NFE2L3: variants seen among roughly 807,000 people sequenced by gnomAD.
NFE2L3 encodes the protein nuclear factor erythroid 2-related factor 3.
A neutral mutation model predicts 23.5 loss-of-function variants in NFE2L3; 18 were observed. That is an observed-to-expected ratio of 0.77 (90% CI 0.53 to 1.13). NFE2L3 has a LOEUF of 1.13. Among genes scored for constraint, NFE2L3 ranks in the 50% most tolerant of loss-of-function variants. The probability of loss-of-function intolerance (pLI) is 0.00; values close to 1 mark genes in which losing one functional copy is unlikely to be tolerated. For synonymous variants in NFE2L3, 424 were observed against 354.5 expected (o/e 1.20, Z -2.20); for missense variants, 1,152 against 877.2 (o/e 1.31, Z -3.96).
intron 2 of NFE2L3, among the ~76,000 whole-genome samples, chr7:26,180,382 A>ATTCTCCCCAGCTCCTC (rs1784485311): frequency 6.6e-6 from 1 of 152,090 alleles, no homozygotes; most frequent in Admixed American, 6.5e-5. Context: ...CCCAGCTGGT[A>ATTCTCCCCAGCTCCTC]TTCTCCCCAG....
chr7:26,185,864 G>C lies in NFE2L3; in HGVS notation c.*81G>C. 1 of 1,171,196 alleles carries C rather than the reference G, an allele frequency of 8.5e-7. No homozygotes were observed. Among genetic ancestry groups the C allele is most frequent in the Non-Finnish European group, 1.2e-6 (1 of 845,306 alleles). 72.6% of individuals were successfully genotyped at this position (1,171,196 alleles called of 1,614,324 possible). ...ATTTGGATCAGAAACCATTGAAACT[G>C]CTTCAAGAATTGTATCTTTAAGTAC... On this transcript the variant is annotated 3_prime_UTR_variant, in exon 4 of 4. Coordinates refer to ENST00000056233, the MANE Select transcript of NFE2L3 (RefSeq NM_004289.7).
intron 1 of NFE2L3, among the ~76,000 whole-genome samples, chr7:26,153,777 T>A (rs891992079): frequency 6.6e-6 from 1 of 152,256 alleles, no homozygotes; most frequent in Non-Finnish European, 1.5e-5. Context: ...AACTTCTTTC[T>A]GAAACCAAGT....
chr7:26,152,786 C>T lies in NFE2L3; in HGVS notation c.288C>T (p.Arg96=), dbSNP rs1358845043. 2 of 1,485,166 alleles carry T rather than the reference C, an allele frequency of 1.3e-6. No individual in the cohort carries two copies. Among genetic ancestry groups the T allele is most frequent in the Admixed American group, 2.3e-5 (1 of 44,200 alleles). 92.0% of individuals were successfully genotyped at this position (1,485,166 alleles called of 1,614,324 possible). A position where few individuals can be genotyped will look rare whatever the true frequency, so the allele number is the denominator to read the frequency against. Residue 96 remains arginine (R), a synonymous_variant, in exon 1 of 4, where the codon CGC becomes CGT. Transcript: ENST00000056233. The surrounding 1 kb of genome is among the most constrained non-coding windows in gnomAD (Gnocchi z 4.4). ...PPEGQLLREV[R]ALGVPFVPRT... is the part of the protein sequence containing the mutation. ...AGGGCCAGCTGCTCCGGGAGGTGCG[C>T]GCGCTCGGGGTCCCCTTCGTCCCTC...
rs1307896223 is a variant in NFE2L3 at position 26,185,713 on chromosome 7, T to G, written c.2015T>G (p.Ile672Ser). 2.5e-6 allele frequency: 4 copies of G among 1,613,310 alleles called. No homozygotes were observed. Among genetic ancestry groups the G allele is most frequent in the Non-Finnish European group, 2.5e-6 (3 of 1,179,700 alleles). The change falls in exon 4 of 4, where the codon ATC (isoleucine) becomes AGC (serine). Residue 672 changes from isoleucine (I) to serine (S), a missense_variant. Physicochemically the swap from Ile to Ser is moderately radical, Grantham distance 142. Coordinates refer to ENST00000056233, the MANE Select transcript of NFE2L3 (RefSeq NM_004289.7). ...CTCCAGTGTACCCATGATGGAAGTA[T>G]CTTGATAGTACCCAAAGAACTGGTG... is the stretch of plus-strand genomic sequence containing the variant. The part of the protein sequence containing the change: ...YALQCTHDGS[I>S]LIVPKELVAS...
At chr7:26,184,291 C>A in intron 3 of NFE2L3, 1 of 449,848 alleles carries the variant, frequency 2.2e-6, no homozygotes, top group Non-Finnish European at 3.9e-6. Flanking sequence ...TTAAGAAAAT[C>A]CAGTCAGCTT....
Position 26,179,180 on chromosome 7 carries a change from G to A in NFE2L3, c.750+1058G>A, listed in dbSNP as rs555423702. Among the ~76,000 whole-genome samples, 21 of 152,030 alleles carry A rather than the reference G, an allele frequency of 1.4e-4. 1 individual carries two copies. In the South Asian group the frequency reaches 4.4e-3, roughly 32 times the overall value. On this transcript the variant is annotated intron_variant, in intron 2 of 3. Transcript: ENST00000056233. ...CTAGATACTAATGAAAATCGCTCTGGCCATCCCAGTGCAGCAATTGATAAG... is the reference window on the plus strand; with the variant it reads ...CTAGATACTAATGAAAATCGCTCTGACCATCCCAGTGCAGCAATTGATAAG...
chr7:26,175,556 TCA>T (rs1290169703), intron 1 of NFE2L3, among the ~76,000 whole-genome samples: 8 of 152,038 alleles, frequency 5.3e-5, no homozygotes, highest in African/African-American at 1.7e-4. Flanking sequence ...GGCGGGCGGA[TCA>T]CGAGGTCAGG....
Position 26,152,711 on chromosome 7 carries a change from G to A in NFE2L3, c.213G>A (p.Ala71=), listed in dbSNP as rs914256535. The A allele has an allele frequency of 3.4e-6, 5 of 1,476,450 alleles. No individual in the cohort carries two copies. The highest frequency in any genetic ancestry group is 1.5e-5 in the African/African-American group (1 of 68,372). The allele number at this position is 1,476,450 out of a possible 1,614,324, so 91.5% of individuals were successfully genotyped here. Residue 71 remains alanine (A), a synonymous_variant, in exon 1 of 4, where the codon GCG becomes GCA. Coordinates refer to ENST00000056233, the MANE Select transcript of NFE2L3 (RefSeq NM_004289.7). This position sits in a 1 kb window ranked among gnomAD's most constrained non-coding sequence, Gnocchi z 4.4. ...CGGCCTCGGGAGGGTGGGGGCGCGC[G>A]GGCCACTTGCACCCCAAGGGCCGGG... ...PFSASGGWGR[A]GHLHPKGREL... is the part of the protein sequence containing the mutation.
chr7:26,152,475 G>T lies in NFE2L3; in HGVS notation c.-24G>T. The T allele has an allele frequency of 1.6e-6, 2 of 1,278,708 alleles. No homozygotes were observed. The highest frequency in any genetic ancestry group is 2.0e-6 in the Non-Finnish European group (2 of 1,014,288). 79.2% of individuals were successfully genotyped at this position (1,278,708 alleles called of 1,614,324 possible). A position where few individuals can be genotyped will look rare whatever the true frequency, so the allele number is the denominator to read the frequency against. ...GCCGGGACCCGCGGGCGCCGGCAGG[G>T]GCGTTCCCGGGCGCGCGGCGGCGAT... On this transcript the variant is annotated 5_prime_UTR_variant, in exon 1 of 4. Coordinates refer to ENST00000056233, the MANE Select transcript of NFE2L3 (RefSeq NM_004289.7). The surrounding 1 kb of genome is among the most constrained non-coding windows in gnomAD (Gnocchi z 4.4).
intron 1 of NFE2L3, among the ~76,000 whole-genome samples, chr7:26,172,511 C>G (rs1784341437): frequency 6.6e-6 from 1 of 152,146 alleles, no homozygotes; most frequent in Admixed American, 6.6e-5. Flanking sequence ...GAATGTAAGG[C>G]TACTATCTAA....
chr7:26,164,616 A>G (rs1784219727), intron 1 of NFE2L3, among the ~76,000 whole-genome samples: 1 of 151,948 alleles, frequency 6.6e-6, no homozygotes, highest in Non-Finnish European at 1.5e-5. Context: ...TTGCCTGTTC[A>G]CTCTGATGGT....
chr7:26,184,416 CTA>C, intron 3 of NFE2L3, 115 bp from the exon 4 acceptor site: 4 of 890,270 alleles, frequency 4.5e-6, no homozygotes, highest in South Asian at 1.6e-5. Flanking sequence ...CCAACAGCAT[CTA>C]TCTCTATTAA....
At position 26,152,764 on chromosome 7, in the gene NFE2L3, G is replaced by T; in HGVS notation, c.266G>T (p.Gly89Val). Reference protein sequence around the residue: ...RELDPAAPPEGQLLREVRALG... With the variant: ...RELDPAAPPEVQLLREVRALG... ...CTGGACCCTGCCGCGCCGCCCGAGG[G>T]CCAGCTGCTCCGGGAGGTGCGCGCG... Residue 89 changes from glycine to valine, a missense_variant, in exon 1 of 4, where the codon GGC (glycine) becomes GTC (valine). Transcript: ENST00000056233. This position sits in a 1 kb window ranked among gnomAD's most constrained non-coding sequence, Gnocchi z 4.4. 1 of 1,478,318 alleles carries T rather than the reference G, an allele frequency of 6.8e-7. No homozygotes were observed. The allele number at this position is 1,478,318 out of a possible 1,614,324, so 91.6% of individuals were successfully genotyped here.
chr7:26,168,206 G>A (rs1473716098), intron 1 of NFE2L3, among the ~76,000 whole-genome samples: 1 of 149,568 alleles, frequency 6.7e-6, no homozygotes, highest in African/African-American at 2.5e-5. Flanking sequence ...GTGTGATCTC[G>A]GCTCACTGCA....
At chr7:26,175,382 G>A (rs1050754492) in intron 1 of NFE2L3, among the ~76,000 whole-genome samples, 3 of 151,998 alleles carry the variant, frequency 2.0e-5, no homozygotes, top group African/African-American at 7.2e-5. Context: ...AGCAATATGT[G>A]TTTGTTGTAA....
Position 26,185,355 on chromosome 7 carries a change from G to A in NFE2L3, c.1657G>A (p.Glu553Lys), listed in dbSNP as rs747584079. 6.2e-7 allele frequency: 1 copy of A among 1,614,124 alleles called. No individual in the cohort carries two copies. The change falls in exon 4 of 4, where the codon GAA becomes AAA. Residue 553 changes from glutamate to lysine, a missense_variant. Transcript: ENST00000056233. Reference protein sequence around the residue: ...KALHIPFSVDEIVGMPVDSFN... With the variant: ...KALHIPFSVDKIVGMPVDSFN... The stretch of plus-strand genomic sequence containing the variant: ...TTTGCATATCCCTTTTTCTGTAGAT[G>A]AAATTGTCGGCATGCCTGTTGATTC...
rs1782472038 is a variant in NFE2L3 at position 26,185,871 on chromosome 7, G to A, written c.*88G>A. 2 of 1,098,876 alleles carry A rather than the reference G, an allele frequency of 1.8e-6. No individual in the cohort carries two copies. Among genetic ancestry groups the A allele is most frequent in the Non-Finnish European group, 2.6e-6 (2 of 781,398 alleles). The allele number at this position is 1,098,876 out of a possible 1,614,324, so 68.1% of individuals were successfully genotyped here. On this transcript the variant is annotated 3_prime_UTR_variant, in exon 4 of 4. Coordinates refer to ENST00000056233, the MANE Select transcript of NFE2L3 (RefSeq NM_004289.7). ...TCAGAAACCATTGAAACTGCTTCAA[G>A]AATTGTATCTTTAAGTACTGCTACT...
chr7:26,183,743 T>C lies in NFE2L3; in HGVS notation c.793T>C (p.Leu265=), dbSNP rs138152769. Residue 265 remains leucine (L), a synonymous_variant, in exon 3 of 4, where the codon TTA becomes CTA. Transcript: ENST00000056233. ...AGATACTTCTTTCTCTCTGGAAGAC[T>C]TATTCCAGTTGCTTTCATCACAGCC... ...GTDTSFSLED[L]FQLLSSQPEN... is the part of the protein sequence containing the mutation. The C allele has an allele frequency of 6.6e-5, 106 of 1,612,862 alleles. 1 individual carries two copies. The African/African-American group carries it at 1.3e-3, about 20-fold the overall frequency.
At position 26,185,403 on chromosome 7, in the gene NFE2L3, TATTATCTGACAGACCTAC is replaced by T. The variant is rs1782457123; in HGVS notation, c.1707_1724del (p.Tyr569_Gln575delinsTer). The T allele has an allele frequency of 6.2e-7, 1 of 1,613,998 alleles. No homozygotes were observed. Among genetic ancestry groups the T allele is most frequent in the Non-Finnish European group, 8.5e-7 (1 of 1,179,986 alleles). ...TTCTTTCAATAGCATGTTAAGTAGA[TATTATCTGACAGACCTAC>T]AAGTCTCACTTATCCGTGACATCAG... On this transcript the variant is annotated stop_gained and inframe_deletion, in exon 4 of 4. Coordinates refer to ENST00000056233, the MANE Select transcript of NFE2L3 (RefSeq NM_004289.7). LOFTEE classifies it low-confidence loss of function (END_TRUNC).
Sources: gnomAD v4.1 joint callset for allele counts (sites outside exome capture counted in the v4.1 genomes callset) on GRCh38, gnomAD v4.1.1 for gene constraint, Gnocchi (gnomAD v3.1) non-coding constraint, MANE v1.5 for transcripts, NCBI Gene and HGNC (gene_info 2026-07-23, HGNC 2026-07-21) for gene names.